C2CD3: variants seen among roughly 807,000 people sequenced by gnomAD.
C2CD3 encodes the protein C2 domain-containing protein 3.
C2CD3 carries 148 observed loss-of-function variants against 234.0 expected under a neutral mutation model. The observed-to-expected ratio is 0.63, with a 90% confidence interval of 0.55 to 0.72. The LOEUF (loss-of-function observed/expected upper bound fraction) is 0.72. Ranked by LOEUF, C2CD3 falls within the 30% of genes least tolerant of loss-of-function variation. The pLI, the probability that C2CD3 is intolerant of heterozygous loss-of-function variation, is 0.00. For missense variants in C2CD3, 2,577 were observed against 2,811.5 expected (o/e 0.92, Z 1.89); for synonymous variants, 1,000 against 1,035.4 (o/e 0.97, Z 0.66).
intron 1 of C2CD3, among the ~76,000 whole-genome samples, chr11:74,169,168 A>T (rs1277686030): frequency 6.6e-6 from 1 of 152,250 alleles, no homozygotes; most frequent in Non-Finnish European, 1.5e-5. Flanking sequence ...TTAAATTGTA[A>T]CTTTTCTTTC....
rs563255286 is a variant in C2CD3, at chr11:74,152,919, T to C, written c.483+8480A>G. Among the ~76,000 whole-genome samples the C allele has an allele frequency of 3.3e-5, 5 of 152,290 alleles. No individual in the cohort carries two copies. The East Asian group carries it at 7.7e-4, about 24-fold the overall frequency. On this transcript the variant is annotated intron_variant, in intron 3 of 32. Transcript: ENST00000334126. ...AAAGGACAAATATGAAAAACCTATA[T>C]CTAACATCACATTTAATAGTGAAAG...
chr11:74,111,917 GATACAC>G (rs1184681641), intron 11 of C2CD3, among the ~76,000 whole-genome samples: 5 of 72,980 alleles, frequency 6.9e-5, no homozygotes, highest in African/African-American at 3.4e-4. Flanking sequence ...CATATTTGCT[GATACAC>G]ACACACACAC....
intron 28 of C2CD3, among the ~76,000 whole-genome samples, chr11:74,047,789 A>C (rs1953459187): frequency 6.6e-6 from 1 of 152,222 alleles, no homozygotes; most frequent in Non-Finnish European, 1.5e-5. Flanking sequence ...ATAGGATGGA[A>C]CATGCTCTAG....
intron 22 of C2CD3, among the ~76,000 whole-genome samples, chr11:74,079,597 T>G (rs1251215568): frequency 6.6e-6 from 1 of 151,236 alleles, no homozygotes; most frequent in African/African-American, 2.4e-5. Context: ...TATTATTTCA[T>G]TTAATTCCTC....
At chr11:74,034,440 G>C in intron 30 of C2CD3, 162 bp from the exon 31 acceptor site, 3 of 1,536,942 alleles carry the variant, frequency 2.0e-6, no homozygotes, top group Non-Finnish European at 2.6e-6. Context: ...TATTCAAGGC[G>C]GTACAATTTT....
At chr11:74,034,356 T>C in intron 30 of C2CD3, 78 bp from the exon 31 acceptor site, 2 of 1,478,370 alleles carry the variant, frequency 1.4e-6, no homozygotes, top group Non-Finnish European at 1.8e-6. Flanking sequence ...GCCTTTAGCT[T>C]CAGAAGCACT....
At position 74,043,411 on chromosome 11, in the gene C2CD3, A is replaced by C. The variant is rs572078109; in HGVS notation, c.5496-1193T>G. Among the ~76,000 whole-genome samples the C allele has an allele frequency of 4.6e-5, 7 of 152,280 alleles. No homozygotes were observed. The South Asian group carries it at 1.4e-3, about 32-fold the overall frequency. On this transcript the variant is annotated intron_variant, in intron 28 of 32. Transcript: ENST00000334126. ...CAGTTGACGGGCATGAGTTGCTTCT[A>C]CTTTTTGGTTATTAGGAATAATGCT...
At chr11:74,082,533 T>C (rs890557538) in intron 22 of C2CD3, among the ~76,000 whole-genome samples, 16 of 152,202 alleles carry the variant, frequency 1.1e-4, no homozygotes, top group African/African-American at 3.4e-4. Context: ...TCTGCATCTA[T>C]TGAGATAATC....
At chr11:74,060,757 G>A (rs1954197571) in intron 24 of C2CD3, among the ~76,000 whole-genome samples, 1 of 152,226 alleles carries the variant, frequency 6.6e-6, no homozygotes, top group South Asian at 2.1e-4. Context: ...ACGGAACAAA[G>A]TTGGACGGAG....
chr11:74,166,946 A>G (rs571144021), intron 2 of C2CD3, among the ~76,000 whole-genome samples: 132 of 152,370 alleles, frequency 8.7e-4, no homozygotes, highest in African/African-American at 3.0e-3. Flanking sequence ...ACCTCTCAGC[A>G]TCACCTAACA....
At chr11:74,034,749 T>C in intron 30 of C2CD3, 2 of 748,910 alleles carry the variant, frequency 2.7e-6, no homozygotes, top group East Asian at 2.7e-5. Flanking sequence ...ACACAGAAAA[T>C]AGAAGCAGCA....
At chr11:74,116,943 T>A (rs1367134424) in intron 9 of C2CD3, among the ~76,000 whole-genome samples, 1 of 111,846 alleles carries the variant, frequency 8.9e-6, no homozygotes, top group African/African-American at 4.1e-5. Context: ...TATACACATA[T>A]ACACGTATAT....
chr11:74,049,535 C>T lies in C2CD3; in HGVS notation c.5163G>A (p.Glu1721=), dbSNP rs770719000. 1.2e-6 allele frequency: 2 copies of T among 1,611,926 alleles called. No individual in the cohort carries two copies. The highest frequency in any genetic ancestry group is 2.2e-5 in the East Asian group (1 of 44,876). ...CCACCGAGGCAAAGCCAATCACCCT[C>T]TCCTCATCTGTAGAGGAAAGAGAAG... ...VFKVWHKGDE[E]RVIGFASVDL... Residue 1721 remains glutamate (E), a synonymous_variant, in exon 27 of 33, where the codon GAG becomes GAA. Coordinates refer to ENST00000334126, the MANE Select transcript of C2CD3 (RefSeq NM_001286577.2).
chr11:74,028,375 T>C lies in C2CD3; in HGVS notation c.6833A>G (p.Asn2278Ser), dbSNP rs199993353. The C allele has an allele frequency of 2.8e-4, 436 of 1,535,976 alleles. No individual in the cohort carries two copies. The Middle Eastern group carries it at 3.4e-3, about 12-fold the overall frequency. Residue 2278 changes from asparagine (N) to serine (S), a missense_variant, in exon 32 of 33, where the codon AAC becomes AGC. By Grantham distance (46) the Asn-to-Ser change is conservative. Coordinates refer to ENST00000334126, the MANE Select transcript of C2CD3 (RefSeq NM_001286577.2). ...CAACTGCTGGGGAGGCAAAAAGAAG[T>C]TGGGCACCACAATGGGCCCTGGGCT... ...LLLPGPIVVPNFFLPPQQLEA... is the reference protein window; with the variant it reads ...LLLPGPIVVPSFFLPPQQLEA...
At chr11:74,167,688 C>G (rs1352528914) in intron 2 of C2CD3, among the ~76,000 whole-genome samples, 3 of 152,210 alleles carry the variant, frequency 2.0e-5, no homozygotes, top group Non-Finnish European at 4.4e-5. Context: ...ATAACCCCAT[C>G]ATCCAAAATG....
At chr11:74,065,323 C>T (rs529756227) in intron 24 of C2CD3, among the ~76,000 whole-genome samples, 9 of 152,198 alleles carry the variant, frequency 5.9e-5, no homozygotes, top group Non-Finnish European at 1.3e-4. Flanking sequence ...AACTCATCAT[C>T]ACTGGCCGTC....
intron 24 of C2CD3, among the ~76,000 whole-genome samples, chr11:74,065,330 C>T (rs1016601669): frequency 5.3e-5 from 8 of 152,232 alleles, no homozygotes; most frequent in South Asian, 2.1e-4. Context: ...CATCACTGGC[C>T]GTCAGAGAAA....
intron 1 of C2CD3, among the ~76,000 whole-genome samples, chr11:74,169,262 TA>T (rs750981373): frequency 6.6e-6 from 1 of 152,232 alleles, no homozygotes; most frequent in Non-Finnish European, 1.5e-5. Flanking sequence ...GCTGGGTTCA[TA>T]TATTTATTGG....
At chr11:74,072,107 A>T (rs926642925) in intron 24 of C2CD3, among the ~76,000 whole-genome samples, 2 of 152,132 alleles carry the variant, frequency 1.3e-5, no homozygotes, top group African/African-American at 2.4e-5. Context: ...TTTAAAAAAA[A>T]TTTGTCAAAA....
Sources: gnomAD v4.1 joint callset for allele counts (sites outside exome capture counted in the v4.1 genomes callset) on GRCh38, gnomAD v4.1.1 for gene constraint, MANE v1.5 for transcripts, NCBI Gene and HGNC (gene_info 2026-07-23, HGNC 2026-07-21) for gene names.